Variants in LDB2 observed in about 807,000 individuals in gnomAD.
The protein encoded by LDB2 is LIM domain binding 2.
A neutral mutation model predicts 44.3 loss-of-function variants in LDB2; 12 were observed. The ratio of observed to expected loss-of-function variants is 0.27; its 90% CI spans 0.17 to 0.44. The LOEUF is 0.44. LDB2 is among the 20% of genes least tolerant of loss of function. LDB2 has a pLI of 1.00. For synonymous variants in LDB2, 164 were observed against 174.8 expected (o/e 0.94, Z 0.49); for missense variants, 344 against 473.5 (o/e 0.73, Z 2.54).
intron 1 of LDB2, among the ~76,000 whole-genome samples, chr4:16,873,767 T>C (rs771143569): frequency 6.6e-6 from 1 of 152,190 alleles, no homozygotes; most frequent in African/African-American, 2.4e-5. Flanking sequence ...ACAAAATTCA[T>C]GTGTTTTAAT....
chr4:16,623,761 T>C (rs1729528395), intron 2 of LDB2, among the ~76,000 whole-genome samples: 1 of 109,412 alleles, frequency 9.1e-6, no homozygotes, highest in Non-Finnish European at 2.1e-5. Flanking sequence ...GCTTGAAATA[T>C]ACATACACAC....
chr4:16,852,613 G>A (rs1256523724), intron 1 of LDB2, among the ~76,000 whole-genome samples: 1 of 152,100 alleles, frequency 6.6e-6, no homozygotes, highest in Non-Finnish European at 1.5e-5. Flanking sequence ...AAATTAACTT[G>A]CTTCAGCTTT....
intron 1 of LDB2, among the ~76,000 whole-genome samples, chr4:16,791,512 G>A (rs1386767502): frequency 1.6e-5 from 2 of 125,930 alleles, no homozygotes; most frequent in East Asian, 4.5e-4. Flanking sequence ...CTGAGGTCAT[G>A]CCTCAGCACT....
chr4:16,560,519 A>G (rs1480253445), intron 5 of LDB2, among the ~76,000 whole-genome samples: 1 of 152,250 alleles, frequency 6.6e-6, no homozygotes, highest in African/African-American at 2.4e-5. Flanking sequence ...TAAACCAGAA[A>G]GAAGTTGAAT....
At chr4:16,812,960 TGACA>T (rs777254358) in intron 1 of LDB2, among the ~76,000 whole-genome samples, 1 of 151,916 alleles carries the variant, frequency 6.6e-6, no homozygotes, top group Non-Finnish European at 1.5e-5. Flanking sequence ...AAGATGTTGA[TGACA>T]GACACTTTTG....
intron 1 of LDB2, among the ~76,000 whole-genome samples, chr4:16,786,883 C>A (rs1265992769): frequency 1.3e-5 from 2 of 152,202 alleles, no homozygotes; most frequent in East Asian, 1.9e-4. Flanking sequence ...ATTCCCGAAT[C>A]TTTTGTGAAC....
chr4:16,502,956 A>G lies in LDB2; in HGVS notation c.892-83T>C, dbSNP rs1717898418. 3 of 1,602,720 alleles carry G rather than the reference A, an allele frequency of 1.9e-6. No homozygotes were observed. The East Asian group carries it at 6.7e-5, about 36-fold the overall frequency. ...AAAATAACAGTGGGAGGAGTCGGGG[A>G]ATCTAGGACAGACACACTCGTGTAC... On this transcript the variant is annotated intron_variant, in intron 7 of 7. Coordinates refer to ENST00000304523, the MANE Select transcript of LDB2 (RefSeq NM_001290.5).
chr4:16,814,785 G>A (rs1391618382), intron 1 of LDB2, among the ~76,000 whole-genome samples: 1 of 152,164 alleles, frequency 6.6e-6, no homozygotes, highest in African/African-American at 2.4e-5. Flanking sequence ...CTAGAATCAG[G>A]GGGTACAAAG....
rs34034796 is a variant in LDB2 at position 16,844,248 on chromosome 4, C to CAAA, written c.132+54103_132+54105dup. Among the ~76,000 whole-genome samples the CAAA allele has an allele frequency of 2.7e-3, 82 of 30,072 alleles. 15 individuals carry two copies. The highest frequency in any genetic ancestry group is 9.8e-3 in the African/African-American group (74 of 7,566). 19.7% of individuals were successfully genotyped at this position (30,072 alleles called of 152,430 possible). A position where few individuals can be genotyped will look rare whatever the true frequency, so the allele number is the denominator to read the frequency against. On this transcript the variant is annotated intron_variant, in intron 1 of 7. Transcript: ENST00000304523. ...GGGAGACAGAGACACACCCTGTCTC[C>CAAA]AAAAAAAAAAAAAAAAAAAAAAAAA...
chr4:16,789,666 A>G (rs1775270628), intron 1 of LDB2, among the ~76,000 whole-genome samples: 1 of 152,232 alleles, frequency 6.6e-6, no homozygotes, highest in African/African-American at 2.4e-5. Context: ...GCAGTGGCTC[A>G]TGCCTGTAAT....
chr4:16,766,125 G>A (rs1024411016), intron 1 of LDB2, among the ~76,000 whole-genome samples: 3 of 152,012 alleles, frequency 2.0e-5, no homozygotes, highest in African/African-American at 7.2e-5. Flanking sequence ...ATAAATAAAT[G>A]TTCTGGGTCA....
At chr4:16,697,303 A>ACACACACACACACAC (rs1560915542) in intron 2 of LDB2, among the ~76,000 whole-genome samples, 25 of 148,292 alleles carry the variant, frequency 1.7e-4, no homozygotes, top group Middle Eastern at 3.5e-3. Context: ...ACACACACAC[A>ACACACACACACACAC]AATTAGCCAG....
intron 1 of LDB2, among the ~76,000 whole-genome samples, chr4:16,777,544 A>T (rs1048270887): frequency 6.6e-6 from 1 of 152,128 alleles, no homozygotes; most frequent in African/African-American, 2.4e-5. Context: ...GCCAAACAAG[A>T]TGTGGGTTCT....
chr4:16,864,966 A>G (rs558941197), intron 1 of LDB2, among the ~76,000 whole-genome samples: 2 of 151,708 alleles, frequency 1.3e-5, no homozygotes, highest in South Asian at 4.2e-4. Context: ...TATACCGGCC[A>G]GGCGCGGTGT....
intron 5 of LDB2, among the ~76,000 whole-genome samples, chr4:16,561,165 G>A (rs1742034818): frequency 6.6e-6 from 1 of 152,032 alleles, no homozygotes; most frequent in South Asian, 2.1e-4. Flanking sequence ...CACAAGACAG[G>A]GATGCCCTCT....
intron 5 of LDB2, among the ~76,000 whole-genome samples, chr4:16,569,674 CCA>C (rs977801171): frequency 3.3e-5 from 5 of 152,164 alleles, no homozygotes; most frequent in Non-Finnish European, 7.4e-5. Context: ...ATCCATCCAT[CCA>C]TCCGTCCATC....
At chr4:16,884,783 C>T (rs950363300) in intron 1 of LDB2, among the ~76,000 whole-genome samples, 6 of 152,162 alleles carry the variant, frequency 3.9e-5, no homozygotes, top group African/African-American at 1.4e-4. Flanking sequence ...TTATAGGGTG[C>T]AGGCATTATG....
intron 2 of LDB2, among the ~76,000 whole-genome samples, chr4:16,754,688 C>G (rs1262823251): frequency 6.6e-6 from 1 of 152,022 alleles, no homozygotes; most frequent in African/African-American, 2.4e-5. Context: ...CATGCCACCA[C>G]GCCCAGCCAA....
intron 2 of LDB2, among the ~76,000 whole-genome samples, chr4:16,750,350 A>T (rs1765256441): frequency 6.6e-6 from 1 of 151,996 alleles, no homozygotes; most frequent in Admixed American, 6.6e-5. Context: ...TATATATCAC[A>T]CTCCTATGCA....
Sources: allele counts gnomAD v4.1 joint callset (sites outside exome capture counted in the v4.1 genomes callset), GRCh38; gene constraint gnomAD v4.1.1; transcripts MANE v1.5; gene names NCBI Gene and HGNC (gene_info 2026-07-23, HGNC 2026-07-21).